INTS8: variants seen among roughly 807,000 people sequenced by gnomAD.
INTS8 encodes integrator complex subunit 8.
In INTS8, 47 loss-of-function variants were observed where a neutral mutation model predicts 138.9. The observed-to-expected ratio is 0.34, with a 90% CI of 0.27 to 0.43. INTS8 has a LOEUF of 0.43. INTS8 is among the 20% of genes least tolerant of loss of function. The pLI, the probability that INTS8 is intolerant of heterozygous loss-of-function variation, is 1.00. For synonymous variants in INTS8, 392 were observed against 400.9 expected, an observed-to-expected ratio of 0.98 and a Z score of 0.27; for missense variants, 996 against 1,173.0, an observed-to-expected ratio of 0.85 and a Z score of 2.20.
intron 23 of INTS8, among the ~76,000 whole-genome samples, chr8:94,875,530 A>C (rs1476822640): frequency 2.0e-5 from 3 of 152,184 alleles, no homozygotes; most frequent in African/African-American, 7.2e-5. Flanking sequence ...AAATGTTTTT[A>C]AATTACATAG....
At chr8:94,861,408 CCCA>C in intron 16 of INTS8, among the ~76,000 whole-genome samples, 1 of 151,402 alleles carries the variant, frequency 6.6e-6, no homozygotes, top group Non-Finnish European at 1.5e-5. Context: ...ACTACAGGCG[CCCA>C]CTGCCATGCC....
chr8:94,828,872 C>G, intron 4 of INTS8, 103 bp from the exon 5 acceptor site: 2 of 739,836 alleles, frequency 2.7e-6, no homozygotes, highest in Non-Finnish European at 4.7e-6. Flanking sequence ...TAAAAACACT[C>G]TTAAATTGAA....
intron 10 of INTS8, among the ~76,000 whole-genome samples, chr8:94,848,900 A>G (rs942388277): frequency 6.6e-6 from 1 of 152,112 alleles, no homozygotes; most frequent in African/African-American, 2.4e-5. Context: ...AATCTAATGA[A>G]TAAATTCAAC....
At chr8:94,826,708 T>C (rs900254965) in intron 2 of INTS8, among the ~76,000 whole-genome samples, 3 of 152,182 alleles carry the variant, frequency 2.0e-5, no homozygotes, top group African/African-American at 7.2e-5. Context: ...TGAAGTAAGA[T>C]TGGCCATCAG....
At chr8:94,863,242 G>T (rs148998636) in intron 16 of INTS8, among the ~76,000 whole-genome samples, 1 of 152,174 alleles carries the variant, frequency 6.6e-6, no homozygotes, top group Non-Finnish European at 1.5e-5. Context: ...TTCTTAAGGT[G>T]TGCATGCTTC....
chr8:94,842,991 A>C (rs1815190872), intron 10 of INTS8, among the ~76,000 whole-genome samples: 1 of 152,208 alleles, frequency 6.6e-6, no homozygotes. Context: ...CCAAAAATAC[A>C]ACGTTGCCAG....
chr8:94,868,968 A>AG (rs1816284841), intron 20 of INTS8, among the ~76,000 whole-genome samples: 1 of 131,960 alleles, frequency 7.6e-6, no homozygotes, highest in African/African-American at 2.9e-5. Flanking sequence ...CACCATGCCC[A>AG]CCCAGTTTTG....
In INTS8 at chr8:94,874,620, T is replaced by C. The variant is rs1412945890; in HGVS notation, c.2688+18T>C. The stretch of plus-strand genomic sequence containing the variant: ...ACACACAGGTTAGTTTATAATATTA[T>C]GAAGTTGTTTTATTTTTACATATGT... On this transcript the variant is annotated intron_variant, in intron 23 of 26. Transcript: ENST00000523731. 1 of 1,435,142 alleles carries C rather than the reference T, an allele frequency of 7.0e-7. No individual in the cohort carries two copies. Among genetic ancestry groups the C allele is most frequent in the Non-Finnish European group, 9.8e-7 (1 of 1,022,358 alleles). The allele number at this position is 1,435,142 out of a possible 1,614,324, so 88.9% of individuals were successfully genotyped here.
Position 94,851,694 on chromosome 8 carries a change from C to G in INTS8, c.1641+8C>G. 2 of 1,578,154 alleles carry G rather than the reference C, an allele frequency of 1.3e-6. No individual in the cohort carries two copies. The highest frequency in any genetic ancestry group is 1.7e-6 in the Non-Finnish European group (2 of 1,168,780). On this transcript the variant is annotated splice_region_variant and intron_variant, in intron 13 of 26. Coordinates refer to ENST00000523731, the MANE Select transcript of INTS8 (RefSeq NM_017864.4). Reference sequence around the variant, plus strand: ...TGGACAGTGTCTAATAAGGTAAACCCTATGTCAAGAACAGATAAGAAAATT... The same window carrying G: ...TGGACAGTGTCTAATAAGGTAAACCGTATGTCAAGAACAGATAAGAAAATT...
intron 16 of INTS8, 84 bp from the exon 17 acceptor site, chr8:94,865,421 CT>C (rs1816143320): frequency 9.3e-7 from 1 of 1,078,958 alleles, no homozygotes; most frequent in African/African-American, 1.6e-5. Flanking sequence ...GTCATTCCAT[CT>C]TTCCTCCAGT....
In INTS8 at chr8:94,842,589, T is replaced by C. The variant is rs7015514; in HGVS notation, c.1260+101T>C. The C allele has an allele frequency of 4.0e-4, 367 of 910,798 alleles. No homozygotes were observed. In the African/African-American group the frequency reaches 5.4e-3, roughly 13 times the overall value. The allele number at this position is 910,798 out of a possible 1,614,324, so 56.4% of individuals were successfully genotyped here. On this transcript the variant is annotated intron_variant, in intron 10 of 26. Coordinates refer to ENST00000523731, the MANE Select transcript of INTS8 (RefSeq NM_017864.4). ...CCAGTTCCTTTTTTCCTGTCTGCCT[T>C]GCGTTTCTGTGCCTGACAATTGGCA...
At chr8:94,843,899 G>A (rs1815230737) in intron 10 of INTS8, among the ~76,000 whole-genome samples, 1 of 151,694 alleles carries the variant, frequency 6.6e-6, no homozygotes, top group African/African-American at 2.4e-5. Context: ...TGAGGTGGTT[G>A]TATAACAGTA....
chr8:94,866,882 G>A (rs1816195593), intron 18 of INTS8: 1 of 388,510 alleles, frequency 2.6e-6, no homozygotes, highest in African/African-American at 2.1e-5. Context: ...AGTCATGTGA[G>A]GAGTTGAGCG....
At chr8:94,843,509 A>G (rs759548160) in intron 10 of INTS8, among the ~76,000 whole-genome samples, 5 of 152,054 alleles carry the variant, frequency 3.3e-5, no homozygotes, top group African/African-American at 7.2e-5. Context: ...AGAGGTTTCA[A>G]TGAGTGGAGA....
intron 20 of INTS8, among the ~76,000 whole-genome samples, chr8:94,869,349 C>A (rs1271886675): frequency 1.3e-5 from 2 of 151,766 alleles, no homozygotes; most frequent in Non-Finnish European, 2.9e-5. Context: ...TTTTTTGAGA[C>A]AAAGTCTCAC....
intron 14 of INTS8, among the ~76,000 whole-genome samples, chr8:94,855,297 A>G (rs80015955): frequency 0.016 from 2,409 of 152,332 alleles, 42 homozygotes; most frequent in East Asian, 0.076. Flanking sequence ...TCTAATTTCA[A>G]TGTGTAATCG....
In INTS8 at chr8:94,827,786, T is replaced by A. The variant is rs781019304; in HGVS notation, c.511T>A (p.Leu171Ile). ...VKQAKPGPPQLSVMNQMQQEK... is the reference protein window; with the variant it reads ...VKQAKPGPPQISVMNQMQQEK... ...ACAGGCAAAACCCGGACCCCCTCAG[T>A]TAAGTGTGTAAGTTGGTGGCTATGA... Residue 171 changes from leucine (L) to isoleucine (I), a missense_variant, in exon 4 of 27, where the codon TTA becomes ATA. By Grantham distance (5) the Leu-to-Ile change is conservative (BLOSUM62 2). Transcript: ENST00000523731. The A allele has an allele frequency of 1.2e-6, 2 of 1,613,666 alleles. No homozygotes were observed. Among genetic ancestry groups the A allele is most frequent in the Non-Finnish European group, 1.7e-6 (2 of 1,179,536 alleles).
intron 2 of INTS8, among the ~76,000 whole-genome samples, chr8:94,826,422 C>T (rs1395757545): frequency 6.6e-6 from 1 of 152,150 alleles, no homozygotes; most frequent in Non-Finnish European, 1.5e-5. Context: ...GCTGGGACTG[C>T]AGGCGCCCGC....
intron 6 of INTS8, 51 bp downstream of exon 6, chr8:94,832,225 A>G (rs772664425): frequency 7.7e-7 from 1 of 1,294,130 alleles, no homozygotes; most frequent in Non-Finnish European, 1.1e-6. Context: ...GAAAATCTTA[A>G]TATGAGATCA....
Sources: allele counts gnomAD v4.1 joint callset (sites outside exome capture counted in the v4.1 genomes callset), GRCh38; gene constraint gnomAD v4.1.1; transcripts MANE v1.5; gene names NCBI Gene and HGNC (gene_info 2026-07-23, HGNC 2026-07-21).